OPRD1: variants seen among roughly 807,000 people sequenced by gnomAD.
OPRD1 encodes delta-type opioid receptor.
In OPRD1, 19 loss-of-function variants were observed where a neutral mutation model predicts 17.5. The observed-to-expected ratio is 1.09, with a 90% CI of 0.76 to 1.60. The LOEUF (loss-of-function observed/expected upper bound fraction) is 1.60, where lower values mean the gene tolerates loss of function less well. Ranked by LOEUF, OPRD1 falls within the 40% of genes most tolerant of loss-of-function variation. The probability of loss-of-function intolerance (pLI) is 0.00; values close to 1 mark genes in which losing one functional copy is unlikely to be tolerated. For missense variants in OPRD1, 483 were observed against 547.2 expected (o/e 0.88, Z 1.17); for synonymous variants, 256 against 240.9 (o/e 1.06, Z -0.58).
intron 1 of OPRD1, among the ~76,000 whole-genome samples, chr1:28,846,355 C>A (rs896704649): frequency 6.6e-6 from 1 of 152,158 alleles, no homozygotes. Flanking sequence ...CAAGCTGCCA[C>A]CACGGTCAGG....
chr1:28,817,286 C>A (rs1469905481), intron 1 of OPRD1, among the ~76,000 whole-genome samples: 1 of 152,126 alleles, frequency 6.6e-6, no homozygotes. Context: ...GTACCTTTGT[C>A]CTCAGGATTA....
At chr1:28,816,611 G>C (rs1202245969) in intron 1 of OPRD1, among the ~76,000 whole-genome samples, 2 of 152,174 alleles carry the variant, frequency 1.3e-5, no homozygotes, top group African/African-American at 4.8e-5. Context: ...GCCTGTGGCT[G>C]GAGGGAATGA....
intron 2 of OPRD1, 84 bp downstream of exon 2, chr1:28,859,387 C>A (rs1361141848): frequency 2.5e-6 from 3 of 1,212,944 alleles, no homozygotes; most frequent in Non-Finnish European, 3.5e-6. Flanking sequence ...GGGCACTTAC[C>A]AGGGTGAGTG....
At chr1:28,826,275 C>A (rs1052643204) in intron 1 of OPRD1, among the ~76,000 whole-genome samples, 4 of 152,154 alleles carry the variant, frequency 2.6e-5, no homozygotes, top group African/African-American at 9.7e-5. Context: ...GTAATCCCAG[C>A]ACTTTGGGAG....
intron 1 of OPRD1, among the ~76,000 whole-genome samples, chr1:28,826,403 A>G (rs899847974): frequency 1.3e-5 from 2 of 152,040 alleles, no homozygotes; most frequent in African/African-American, 4.8e-5. Flanking sequence ...ATGCACCTGT[A>G]GTCCCAGCTA....
At chr1:28,847,765 A>C (rs2088966446) in intron 1 of OPRD1, among the ~76,000 whole-genome samples, 1 of 152,120 alleles carries the variant, frequency 6.6e-6, no homozygotes, top group Admixed American at 6.6e-5. Flanking sequence ...CAGAAGGCCA[A>C]AGCTACAGTG....
intron 2 of OPRD1, among the ~76,000 whole-genome samples, chr1:28,862,088 A>AT (rs1231671097): frequency 8.0e-4 from 116 of 144,946 alleles, no homozygotes; most frequent in East Asian, 4.3e-3. Flanking sequence ...ATTTTTTTGT[A>AT]TTTTTTTTTT....
Position 28,846,821 on chromosome 1 carries a change from T to TTTTC in OPRD1, c.228-12109_228-12106dup, listed in dbSNP as rs1196638603. Among the ~76,000 whole-genome samples, 226 of 103,642 alleles carry TTTTC rather than the reference T, an allele frequency of 2.2e-3. 3 individuals carry two copies. Among genetic ancestry groups the TTTTC allele is most frequent in the African/African-American group, 5.0e-3 (151 of 30,314 alleles). The allele number at this position is 103,642 out of a possible 152,430, so 68.0% of individuals were successfully genotyped here. ...TTGTATCACATGGAGGCTGTTTGCA[T>TTTTC]TTTCTTTCTTTCTTTCTTTCTTTCT... On this transcript the variant is annotated intron_variant, in intron 1 of 2. Transcript: ENST00000234961.
Position 28,867,407 on chromosome 1 carries a change from T to C in OPRD1, c.*4124T>C, listed in dbSNP as rs2089183837. On this transcript the variant is annotated 3_prime_UTR_variant, in exon 3 of 3. Coordinates refer to ENST00000234961, the MANE Select transcript of OPRD1 (RefSeq NM_000911.4). ...TTTTAGTAGAGACGGGGTTTCACCA[T>C]TTGGCCAAACTGGTCTCGAACTCCT... The C allele has an allele frequency of 6.6e-6, 1 of 152,118 alleles. No homozygotes were observed. The highest frequency in any genetic ancestry group is 1.5e-5 in the Non-Finnish European group (1 of 68,048). 9.4% of individuals were successfully genotyped at this position (152,118 alleles called of 1,614,324 possible). A position where few individuals can be genotyped will look rare whatever the true frequency, so the allele number is the denominator to read the frequency against.
chr1:28,813,549 G>A (rs1042169637), intron 1 of OPRD1, among the ~76,000 whole-genome samples: 3 of 152,164 alleles, frequency 2.0e-5, no homozygotes, highest in African/African-American at 4.8e-5. Flanking sequence ...GGAGAGTGCT[G>A]GGACCTTCTC....
Position 28,812,376 on chromosome 1 carries a change from C to G in OPRD1, c.-8C>G. On this transcript the variant is annotated 5_prime_UTR_variant, in exon 1 of 3. Transcript: ENST00000234961. ...TGGAGAGGGACGCGGCGGAGCCGGC[C>G]GGCAGCCATGGAACCGGCCCCCTCC... The G allele has an allele frequency of 7.3e-7, 1 of 1,378,914 alleles. No homozygotes were observed. The highest frequency in any genetic ancestry group is 9.3e-7 in the Non-Finnish European group (1 of 1,074,550). 85.4% of individuals were successfully genotyped at this position (1,378,914 alleles called of 1,614,324 possible).
chr1:28,844,758 A>AG (rs1475741968), intron 1 of OPRD1, among the ~76,000 whole-genome samples: 2 of 151,444 alleles, frequency 1.3e-5, no homozygotes, highest in African/African-American at 4.9e-5. Flanking sequence ...TGTTTTTTTG[A>AG]GGGGGTGACA....
intron 1 of OPRD1, among the ~76,000 whole-genome samples, chr1:28,828,640 C>T (rs150459956): frequency 8.4e-5 from 12 of 143,656 alleles, no homozygotes; most frequent in Non-Finnish European, 1.2e-4. Flanking sequence ...GAGCTATGAT[C>T]GTGCCACTGC....
At chr1:28,842,154 G>A (rs1002228671) in intron 1 of OPRD1, among the ~76,000 whole-genome samples, 10 of 151,794 alleles carry the variant, frequency 6.6e-5, no homozygotes, top group South Asian at 4.2e-4. Flanking sequence ...CTCAGCCTCC[G>A]GGGTAGCTGG....
At chr1:28,854,466 C>T (rs554479427) in intron 1 of OPRD1, among the ~76,000 whole-genome samples, 5 of 152,106 alleles carry the variant, frequency 3.3e-5, no homozygotes, top group South Asian at 4.2e-4. Flanking sequence ...AAGCAGTCCT[C>T]GACCTCAGCC....
At chr1:28,840,096 A>G (rs757030785) in intron 1 of OPRD1, among the ~76,000 whole-genome samples, 1 of 152,176 alleles carries the variant, frequency 6.6e-6, no homozygotes, top group Non-Finnish European at 1.5e-5. Flanking sequence ...AAGGGGACAC[A>G]GTTCCTGCCT....
Position 28,869,236 on chromosome 1 carries a change from C to T in OPRD1, c.*5953C>T, listed in dbSNP as rs150624622. On this transcript the variant is annotated 3_prime_UTR_variant, in exon 3 of 3. Transcript: ENST00000234961. ...AGCAAATCAGGACCTGGCCGCCCCA[C>T]GCTGAGCTTGCAGATATTGAGAGTT... The T allele has an allele frequency of 9.0e-3, 1,377 of 152,680 alleles. 8 individuals carry two copies. Among genetic ancestry groups the T allele is most frequent in the African/African-American group, 0.015 (618 of 41,560 alleles). 9.5% of individuals were successfully genotyped at this position (152,680 alleles called of 1,614,324 possible).
chr1:28,862,669 G>A, intron 2 of OPRD1, 73 bp from the exon 3 acceptor site: 1 of 1,432,926 alleles, frequency 7.0e-7, no homozygotes, highest in Non-Finnish European at 9.4e-7. Flanking sequence ...TGAAAGGGTG[G>A]GCAAGCAGGT....
intron 1 of OPRD1, among the ~76,000 whole-genome samples, chr1:28,826,515 CA>C (rs1023997934): frequency 6.9e-6 from 1 of 144,838 alleles, no homozygotes. Flanking sequence ...GACCCTGTCT[CA>C]AAAAAAAATA....
Sources: allele counts gnomAD v4.1 joint callset (sites outside exome capture counted in the v4.1 genomes callset), GRCh38; gene constraint gnomAD v4.1.1; transcripts MANE v1.5; gene names NCBI Gene and HGNC (gene_info 2026-07-23, HGNC 2026-07-21).